GYS1: variants seen among roughly 807,000 people sequenced by gnomAD.
The protein encoded by GYS1 is glycogen synthase 1.
GYS1 carries 60 observed loss-of-function variants against 89.1 expected under a neutral mutation model. That is an observed-to-expected ratio of 0.67 (90% CI 0.55 to 0.84). GYS1 has a LOEUF of 0.84. Ranked by LOEUF, GYS1 falls within the 40% of genes least tolerant of loss-of-function variation. The pLI is 0.00. For synonymous variants in GYS1, 366 were observed against 401.7 expected, an observed-to-expected ratio of 0.91 and a Z score of 1.06; for missense variants, 888 against 1,003.1, an observed-to-expected ratio of 0.89 and a Z score of 1.55.
At chr19:48,992,550 C>T (rs373812886) in intron 1 of GYS1, among the ~76,000 whole-genome samples, 2 of 94,508 alleles carry the variant, frequency 2.1e-5, no homozygotes, top group Non-Finnish European at 4.2e-5. Flanking sequence ...GTCCTCCCAC[C>T]GCCGCTCAGG....
At chr19:48,977,571 C>T (rs1398041731) in intron 10 of GYS1, among the ~76,000 whole-genome samples, 2 of 151,922 alleles carry the variant, frequency 1.3e-5, no homozygotes, top group African/African-American at 2.4e-5. Context: ...CCAGCCTGGG[C>T]GACAGAGCGA....
chr19:48,984,036 T>G (rs1054275317), intron 5 of GYS1, among the ~76,000 whole-genome samples: 1 of 152,206 alleles, frequency 6.6e-6, no homozygotes, highest in Non-Finnish European at 1.5e-5. Flanking sequence ...TTCGCTCTTG[T>G]TGCCCAGGCT....
At chr19:48,970,073 G>A (rs1306179369) in intron 14 of GYS1, among the ~76,000 whole-genome samples, 5 of 152,218 alleles carry the variant, frequency 3.3e-5, no homozygotes, top group Admixed American at 6.5e-5. Flanking sequence ...GAATTCTCAA[G>A]TGAGTCTCCT....
chr19:48,969,380 G>A lies in GYS1; in HGVS notation c.2122C>T (p.Arg708Cys), dbSNP rs776737199. 3.2e-6 allele frequency: 5 copies of A among 1,571,056 alleles called. No individual in the cohort carries two copies. Among genetic ancestry groups the A allele is most frequent in the African/African-American group, 1.4e-5 (1 of 73,838 alleles). ...SCTSSTSGSK[R>C]NSVDTATSSS... ...GAGGTGGCCGTGTCCACAGAGTTGCGCTTGCTGCCGCTGGTGGAGGAGGTG... is the reference window on the plus strand; with the variant it reads ...GAGGTGGCCGTGTCCACAGAGTTGCACTTGCTGCCGCTGGTGGAGGAGGTG... The change falls in exon 16 of 16, where the codon CGC becomes TGC. Residue 708 changes from arginine (R) to cysteine (C), a missense_variant. By Grantham distance (180) the Arg-to-Cys change is radical. Transcript: ENST00000323798.
At chr19:48,972,477 A>AATT (rs578170674) in intron 12 of GYS1, among the ~76,000 whole-genome samples, 8 of 150,156 alleles carry the variant, frequency 5.3e-5, no homozygotes, top group Non-Finnish European at 8.9e-5. Context: ...CCTGACCTAT[A>AATT]ATTATTATTA....
rs752738888 is a variant in GYS1 at position 48,968,156 on chromosome 19, A to G, written c.*1132T>C. On this transcript the variant is annotated 3_prime_UTR_variant, in exon 16 of 16. Transcript: ENST00000323798. The stretch of plus-strand genomic sequence containing the variant: ...TCTTAAATATAGATGTATTTTTTTC[A>G]TCTCATCTCCGGACACACTCCAATC... 5 of 448,774 alleles carry G rather than the reference A, an allele frequency of 1.1e-5. No individual in the cohort carries two copies. The highest frequency in any genetic ancestry group is 2.0e-5 in the African/African-American group (1 of 49,552). The allele number at this position is 448,774 out of a possible 1,614,324, so 27.8% of individuals were successfully genotyped here.
At chr19:48,972,549 G>C (rs550941391) in intron 12 of GYS1, among the ~76,000 whole-genome samples, 1 of 152,182 alleles carries the variant, frequency 6.6e-6, no homozygotes, top group African/African-American at 2.4e-5. Flanking sequence ...CGCGATCTCA[G>C]CTCACTGCAA....
intron 14 of GYS1, 72 bp downstream of exon 14, chr19:48,970,474 C>A (rs747293986): frequency 7.8e-6 from 10 of 1,275,890 alleles, no homozygotes; most frequent in Non-Finnish European, 1.1e-5. Context: ...TGAGACCCTG[C>A]ACCCTGCACC....
At chr19:48,983,886 G>A (rs1004431764) in intron 5 of GYS1, among the ~76,000 whole-genome samples, 23 of 152,140 alleles carry the variant, frequency 1.5e-4, no homozygotes, top group African/African-American at 5.6e-4. Flanking sequence ...TAGTCAGAGA[G>A]CCTCAAATAC....
In GYS1 at chr19:48,969,787, G is replaced by C. The variant is rs755709141; in HGVS notation, c.1878C>G (p.Asn626Lys). 4.3e-6 allele frequency: 7 copies of C among 1,613,856 alleles called. No homozygotes were observed. The South Asian group carries it at 4.4e-5, about 10-fold the overall frequency. ...AGGGTCCACTCACCGCATCCGCCTC[G>C]TTGGGCTCGTAGGTGAAGTGCTCTG... Reference protein sequence around the residue: ...AFPEHFTYEPNEADAAQGYRY... With the variant: ...AFPEHFTYEPKEADAAQGYRY... The change falls in exon 15 of 16, where the codon AAC (asparagine) becomes AAG (lysine). Residue 626 changes from asparagine (N) to lysine (K), a missense_variant. Asn to Lys is a moderately conservative substitution (Grantham distance 94, BLOSUM62 0). Coordinates refer to ENST00000323798, the MANE Select transcript of GYS1 (RefSeq NM_002103.5).
intron 2 of GYS1, among the ~76,000 whole-genome samples, chr19:48,989,201 G>A (rs924369987): frequency 1.2e-4 from 18 of 151,868 alleles, no homozygotes; most frequent in African/African-American, 4.4e-4. Context: ...GGCTCACTGG[G>A]CTGGGCGCGG....
Position 48,969,207 on chromosome 19 carries a change from G to C in GYS1, c.*81C>G. Reference sequence around the variant, plus strand: ...GCCACACCCAGTGCAGATCTGGAGCGGGGGTTTAGGAGCAGCACCCCTCTG... The same window carrying C: ...GCCACACCCAGTGCAGATCTGGAGCCGGGGTTTAGGAGCAGCACCCCTCTG... On this transcript the variant is annotated 3_prime_UTR_variant, in exon 16 of 16. Transcript: ENST00000323798. The C allele has an allele frequency of 1.6e-6, 2 of 1,279,650 alleles. No homozygotes were observed. The highest frequency in any genetic ancestry group is 2.5e-5 in the East Asian group (1 of 39,484). The allele number at this position is 1,279,650 out of a possible 1,614,324, so 79.3% of individuals were successfully genotyped here. A position where few individuals can be genotyped will look rare whatever the true frequency, so the allele number is the denominator to read the frequency against.
At chr19:48,989,604 T>C (rs573612947) in intron 2 of GYS1, among the ~76,000 whole-genome samples, 2 of 152,204 alleles carry the variant, frequency 1.3e-5, no homozygotes, top group African/African-American at 4.8e-5. Context: ...TTTGTATTTT[T>C]AGTAGAGACA....
chr19:48,979,622 C>T (rs1191819750), intron 8 of GYS1, among the ~76,000 whole-genome samples: 1 of 148,644 alleles, frequency 6.7e-6, no homozygotes, highest in Non-Finnish European at 1.5e-5. Context: ...CAGGTGTGAG[C>T]CACCGCGCCC....
chr19:48,970,049 C>A (rs1239322730), intron 14 of GYS1, among the ~76,000 whole-genome samples, 194 bp from the exon 15 acceptor site: 1 of 152,192 alleles, frequency 6.6e-6, no homozygotes, highest in Non-Finnish European at 1.5e-5. Context: ...AGCCATACCC[C>A]TCAAACAGGG....
Position 48,969,786 on chromosome 19 carries a change from CGTT to C in GYS1, c.1876_1878del (p.Asn626del), listed in dbSNP as rs781319296. Reference sequence around the variant, plus strand: ...CAGGGTCCACTCACCGCATCCGCCTCGTTGGGCTCGTAGGTGAAGTGCTCTGGA... The same window carrying C: ...CAGGGTCCACTCACCGCATCCGCCTCGGGCTCGTAGGTGAAGTGCTCTGGA... On this transcript the variant is annotated inframe_deletion, in exon 15 of 16. Coordinates refer to ENST00000323798, the MANE Select transcript of GYS1 (RefSeq NM_002103.5). The C allele has an allele frequency of 9.9e-6, 16 of 1,613,956 alleles. No homozygotes were observed. Among genetic ancestry groups the C allele is most frequent in the Non-Finnish European group, 1.4e-5 (16 of 1,179,912 alleles).
At chr19:48,989,862 G>GA (rs1292936543) in intron 2 of GYS1, among the ~76,000 whole-genome samples, 1 of 152,184 alleles carries the variant, frequency 6.6e-6, no homozygotes, top group African/African-American at 2.4e-5. Flanking sequence ...TTTCCTCCCT[G>GA]AGACCATGGC....
intron 11 of GYS1, 53 bp downstream of exon 11, chr19:48,974,567 C>T: frequency 8.0e-7 from 1 of 1,255,270 alleles, no homozygotes; most frequent in Non-Finnish European, 1.2e-6. Context: ...AGGCCCAGGA[C>T]CCAACCCCTT....
chr19:48,980,182 G>A (rs1476257964), intron 8 of GYS1, among the ~76,000 whole-genome samples: 2 of 152,200 alleles, frequency 1.3e-5, no homozygotes, highest in Non-Finnish European at 2.9e-5. Context: ...CGGGGCCTTC[G>A]AGTTTGCTGT....
Sources: gnomAD v4.1 joint callset for allele counts (sites outside exome capture counted in the v4.1 genomes callset) on GRCh38, gnomAD v4.1.1 for gene constraint, MANE v1.5 for transcripts, NCBI Gene and HGNC (gene_info 2026-07-23, HGNC 2026-07-21) for gene names.